SMC2: variants seen among roughly 807,000 people sequenced by gnomAD.
SMC2 encodes structural maintenance of chromosomes protein 2.
A neutral mutation model predicts 142.6 loss-of-function variants in SMC2; 41 were observed. That is an observed-to-expected ratio of 0.29 (90% confidence interval 0.22 to 0.37). The LOEUF (loss-of-function observed/expected upper bound fraction) is 0.37. Among genes scored for constraint, SMC2 ranks in the 10% least tolerant of loss-of-function variants. The pLI is 1.00. For missense variants in SMC2, 1,265 were observed against 1,373.7 expected (o/e 0.92, Z 1.25); for synonymous variants, 463 against 457.5 (o/e 1.01, Z -0.15).
upstream of SMC2, among the ~76,000 whole-genome samples, chr9:104,093,979 G>A (rs954162106): frequency 3.3e-5 from 5 of 152,226 alleles, no homozygotes; most frequent in Non-Finnish European, 7.3e-5. Flanking sequence ...ACCGCAGACT[G>A]GAGAAGGCGG....
At chr9:104,110,575 C>T (rs906495077) in intron 9 of SMC2, among the ~76,000 whole-genome samples, 6 of 89,290 alleles carry the variant, frequency 6.7e-5, no homozygotes, top group African/African-American at 3.4e-4. Flanking sequence ...GTCTGTACTC[C>T]AACTCCCATG....
chr9:104,113,913 T>C (rs574471737), intron 11 of SMC2, 51 bp from the exon 12 acceptor site: 1 of 1,117,422 alleles, frequency 8.9e-7, no homozygotes, highest in African/African-American at 1.6e-5. Flanking sequence ...CTTAAAACAG[T>C]AGAGTGAGCT....
At chr9:104,119,907 A>G in intron 15 of SMC2, 120 bp from the exon 16 acceptor site, 1 of 959,330 alleles carries the variant, frequency 1.0e-6, no homozygotes, top group Non-Finnish European at 1.6e-6. Flanking sequence ...ATGGCTTCAT[A>G]AGCTCATTAA....
In SMC2 at chr9:104,138,231, A is replaced by G. The variant is rs186828240; in HGVS notation, c.3417+66A>G. 6.3e-4 allele frequency: 813 copies of G among 1,294,116 alleles called. 5 individuals carry two copies. In the African/African-American group the frequency reaches 0.011, roughly 18 times the overall value. 80.2% of individuals were successfully genotyped at this position (1,294,116 alleles called of 1,614,324 possible). A position where few individuals can be genotyped will look rare whatever the true frequency, so the allele number is the denominator to read the frequency against. On this transcript the variant is annotated intron_variant, in intron 24 of 24. Coordinates refer to ENST00000374793, the MANE Select transcript of SMC2 (RefSeq NM_006444.3). The stretch of plus-strand genomic sequence containing the variant: ...GACTATTTTTCTAAAACCATTCTTT[A>G]GTTAGTAGTCAATGTTAATAAGATA...
At chr9:104,110,491 G>A (rs1444197036) in intron 9 of SMC2, among the ~76,000 whole-genome samples, 3 of 152,140 alleles carry the variant, frequency 2.0e-5, no homozygotes, top group Non-Finnish European at 2.9e-5. Flanking sequence ...GTAAGGCTTT[G>A]GTTAACAGTA....
At chr9:104,116,463 A>G (rs770400350) in intron 14 of SMC2, 144 bp downstream of exon 14, 4 of 648,156 alleles carry the variant, frequency 6.2e-6, no homozygotes, top group South Asian at 2.2e-5. Flanking sequence ...GTGCAATTAG[A>G]TGATAAGAGA....
At position 104,139,506 on chromosome 9, in the gene SMC2, T is replaced by G. The variant is rs554423527; in HGVS notation, c.*191T>G. 168 of 441,018 alleles carry G rather than the reference T, an allele frequency of 3.8e-4. No individual in the cohort carries two copies. Among genetic ancestry groups the G allele is most frequent in the Non-Finnish European group, 1.5e-4 (37 of 252,560 alleles). The allele number at this position is 441,018 out of a possible 1,614,324, so 27.3% of individuals were successfully genotyped here. On this transcript the variant is annotated 3_prime_UTR_variant, in exon 25 of 25. Transcript: ENST00000374793. ...CATCTCTTAACTAGTCTAATTATGG[T>G]CCAATTATTGTGGTTGTGATTTTAT...
rs1587896163 is a variant in SMC2, at chr9:104,100,701, G to A, written c.636+268G>A. 2.6e-5 allele frequency among the ~76,000 whole-genome samples: 4 copies of A among 152,028 alleles called. No homozygotes were observed. The East Asian group carries it at 7.7e-4, about 29-fold the overall frequency. The stretch of plus-strand genomic sequence containing the variant: ...TACTTTATTTAAGCTAAGCAAGTCT[G>A]GATTTTCCTAGTTAGTTAGCATTGA... On this transcript the variant is annotated intron_variant, in intron 7 of 24. Transcript: ENST00000374793.
Position 104,138,092 on chromosome 9 carries a change from T to C in SMC2, c.3344T>C (p.Val1115Ala). 1 of 1,610,134 alleles carries C rather than the reference T, an allele frequency of 6.2e-7. No homozygotes were observed. Among genetic ancestry groups the C allele is most frequent in the Non-Finnish European group, 8.5e-7 (1 of 1,177,424 alleles). Reference sequence around the variant, plus strand: ...GCTCCAATTTATATCCTTGATGAGGTAGATGCAGCCTTGGATCTTTCTCAT... The same window carrying C: ...GCTCCAATTTATATCCTTGATGAGGCAGATGCAGCCTTGGATCTTTCTCAT... The part of the protein sequence containing the change: ...KPAPIYILDE[V>A]DAALDLSHTQ... The change falls in exon 24 of 25, where the codon GTA becomes GCA. Residue 1115 changes from valine to alanine, a missense_variant. Val to Ala is a moderately conservative substitution (Grantham distance 64). Around this residue, in one of 4 missense-constraint regions of SMC2, gnomAD observed 192 missense variants for 261.9 expected, o/e 0.73. Transcript: ENST00000374793.
In SMC2 at chr9:104,113,195, C is replaced by G. The variant is rs1587936818; in HGVS notation, c.1255-121C>G. On this transcript the variant is annotated intron_variant, in intron 10 of 24. Coordinates refer to ENST00000374793, the MANE Select transcript of SMC2 (RefSeq NM_006444.3). ...TTGTTGAAATACTAATCCAAGAGAC[C>G]AAACAATTAAACTTTGAAGGTTAAG... 3.6e-5 allele frequency: 23 copies of G among 644,688 alleles called. No homozygotes were observed. In the East Asian group the frequency reaches 6.9e-4, roughly 19 times the overall value. The allele number at this position is 644,688 out of a possible 1,614,324, so 39.9% of individuals were successfully genotyped here.
intron 13 of SMC2, among the ~76,000 whole-genome samples, chr9:104,115,238 ACTTC>A (rs1444399134): frequency 1.3e-5 from 2 of 149,528 alleles, no homozygotes; most frequent in East Asian, 1.9e-4. Flanking sequence ...TGTCAAATTT[ACTTC>A]CTTGTTTTTT....
Position 104,102,464 on chromosome 9 carries a change from C to T in SMC2, c.911C>T (p.Ala304Val), listed in dbSNP as rs1171432338. 6.2e-7 allele frequency: 1 copy of T among 1,612,082 alleles called. No homozygotes were observed. Among genetic ancestry groups the T allele is most frequent in the South Asian group, 1.1e-5 (1 of 90,708 alleles). ...CTTCGATCTTTAGAAGATGCTCTTG[C>T]AGAGGCTCAGCGAGTTAATACTAAA... Reference protein sequence around the residue: ...GILRSLEDALAEAQRVNTKSQ... With the variant: ...GILRSLEDALVEAQRVNTKSQ... Residue 304 changes from alanine to valine, a missense_variant, in exon 9 of 25, where the codon GCA becomes GTA. Transcript: ENST00000374793.
At chr9:104,116,090 T>G in intron 13 of SMC2, 110 bp from the exon 14 acceptor site, 1 of 901,274 alleles carries the variant, frequency 1.1e-6, no homozygotes. Context: ...TATAACTTGA[T>G]TGGGATAAAT....
chr9:104,134,443 C>T lies in SMC2; in HGVS notation c.3137C>T (p.Ser1046Phe). ...KVNKDFGSIF[S>F]TLLPGANAML... ...AACAAGGACTTTGGGTCTATTTTTT[C>T]TACTCTTTTGCCTGGTGCTAATGCT... Residue 1046 changes from serine to phenylalanine, a missense_variant, in exon 23 of 25, where the codon TCT becomes TTT. Around this residue, in one of 4 missense-constraint regions of SMC2, gnomAD observed 192 missense variants for 261.9 expected, o/e 0.73. Transcript: ENST00000374793. 2 of 1,597,632 alleles carry T rather than the reference C, an allele frequency of 1.3e-6. No homozygotes were observed. Among genetic ancestry groups the T allele is most frequent in the Non-Finnish European group, 8.5e-7 (1 of 1,174,060 alleles).
chr9:104,113,197 A>G, intron 10 of SMC2, 119 bp from the exon 11 acceptor site: 1 of 656,036 alleles, frequency 1.5e-6, no homozygotes, highest in Non-Finnish European at 2.4e-6. Flanking sequence ...CAAGAGACCA[A>G]ACAATTAAAC....
intron 17 of SMC2, among the ~76,000 whole-genome samples, chr9:104,124,571 A>G (rs1183762700): frequency 6.6e-6 from 1 of 152,020 alleles, no homozygotes; most frequent in Admixed American, 6.6e-5. Context: ...TACCATAGTT[A>G]TACTGTTCTG....
At position 104,140,242 on chromosome 9, in the gene SMC2, T is replaced by A. The variant is rs1389785313; in HGVS notation, c.*927T>A. 3 of 152,162 alleles carry A rather than the reference T, an allele frequency of 2.0e-5. No homozygotes were observed. Among genetic ancestry groups the A allele is most frequent in the Non-Finnish European group, 2.9e-5 (2 of 68,008 alleles). The allele number at this position is 152,162 out of a possible 1,614,324, so 9.4% of individuals were successfully genotyped here. A position where few individuals can be genotyped will look rare whatever the true frequency, so the allele number is the denominator to read the frequency against. Reference sequence around the variant, plus strand: ...ATAAATATAAATAACTCAATCCATCTGTTCCACCAAAATAACTCAAAAGTT... The same window carrying A: ...ATAAATATAAATAACTCAATCCATCAGTTCCACCAAAATAACTCAAAAGTT... On this transcript the variant is annotated 3_prime_UTR_variant, in exon 25 of 25. Transcript: ENST00000374793.
At chr9:104,093,064 T>A (rs1387348123), upstream of SMC2, 6 of 152,186 alleles carry the variant, frequency 3.9e-5, no homozygotes, top group Non-Finnish European at 8.8e-5. Context: ...TCTGTGACAT[T>A]CCAGCCTTCA....
Position 104,127,407 on chromosome 9 carries a change from C to A in SMC2, c.2717C>A (p.Ser906Tyr), listed in dbSNP as rs1174732035. The A allele has an allele frequency of 6.2e-7, 1 of 1,613,610 alleles. No homozygotes were observed. Among genetic ancestry groups the A allele is most frequent in the Admixed American group, 1.7e-5 (1 of 59,982 alleles). Residue 906 changes from serine (S) to tyrosine (Y), a missense_variant, in exon 20 of 25, where the codon TCT (serine) becomes TAT (tyrosine). Ser to Tyr is a moderately radical substitution (Grantham distance 144, BLOSUM62 -2). Coordinates refer to ENST00000374793, the MANE Select transcript of SMC2 (RefSeq NM_006444.3). ...VAKHKEQNND[S>Y]QLKIKELDHN... is the part of the protein sequence containing the mutation. Reference sequence around the variant, plus strand: ...AAACACAAGGAGCAAAACAATGATTCTCAGCTTAAAATTAAGGAATTAGAC... The same window carrying A: ...AAACACAAGGAGCAAAACAATGATTATCAGCTTAAAATTAAGGAATTAGAC...
Sources: allele counts gnomAD v4.1 joint callset (sites outside exome capture counted in the v4.1 genomes callset), GRCh38; gene constraint gnomAD v4.1.1; regional missense constraint gnomAD v4.1.1; transcripts MANE v1.5; gene names NCBI Gene and HGNC (gene_info 2026-07-23, HGNC 2026-07-21).